The following CCDC7 variants were observed in gnomAD, a reference collection of about 807,000 sequenced individuals.
The protein encoded by CCDC7 is coiled-coil domain-containing protein 7.
In CCDC7, 183 loss-of-function variants were observed where a neutral mutation model predicts 196.9. That is an observed-to-expected ratio of 0.93 (90% CI 0.82 to 1.05). The LOEUF is 1.05. Among genes scored for constraint, CCDC7 ranks in the 50% least tolerant of loss-of-function variants. The probability of loss-of-function intolerance (pLI) is 0.00; values close to 1 mark genes in which losing one functional copy is unlikely to be tolerated. For synonymous variants in CCDC7, 525 were observed against 484.6 expected (o/e 1.08, Z -1.10); for missense variants, 1,540 against 1,482.2 (o/e 1.04, Z -0.64).
chr10:32,697,238 C>T (rs1482145630), intron 24 of CCDC7, among the ~76,000 whole-genome samples: 2 of 152,144 alleles, frequency 1.3e-5, no homozygotes, highest in Non-Finnish European at 2.9e-5. Flanking sequence ...GGAACAGCTC[C>T]AGGCTACAGC....
intron 28 of CCDC7, among the ~76,000 whole-genome samples, chr10:32,755,325 G>C (rs2076251947): frequency 6.6e-6 from 1 of 152,190 alleles, no homozygotes; most frequent in Admixed American, 6.5e-5. Flanking sequence ...ATCCTCAAGT[G>C]GGTCCCTGAT....
intron 5 of CCDC7, among the ~76,000 whole-genome samples, chr10:32,468,102 A>G (rs191375319): frequency 1.1e-4 from 16 of 152,030 alleles, no homozygotes; most frequent in Admixed American, 9.2e-4. Context: ...CTTAAAATAG[A>G]TTTTTTCTAG....
At chr10:32,446,083 T>G (rs563120953), upstream of CCDC7, 9 of 152,306 alleles carry the variant, frequency 5.9e-5, no homozygotes, top group South Asian at 1.4e-3. Context: ...GCTCGCAGCG[T>G]CAGCGACGCC....
At chr10:32,540,017 T>C (rs569038403) in intron 11 of CCDC7, among the ~76,000 whole-genome samples, 1 of 152,266 alleles carries the variant, frequency 6.6e-6, no homozygotes, top group East Asian at 1.9e-4. Flanking sequence ...GTAGTGTCTA[T>C]TTGTCCACTA....
rs990626866 is a variant in CCDC7, at chr10:32,538,523, G to C, written c.994-4777G>C. ...TTGCCAGGACTTCTAATATTGTGTT[G>C]GATAGAAATGGTGAGAGAGGGCATC... On this transcript the variant is annotated intron_variant, in intron 11 of 41. Transcript: ENST00000639629. Among the ~76,000 whole-genome samples the C allele has an allele frequency of 1.4e-4, 22 of 152,106 alleles. 2 individuals carry two copies. The highest frequency in any genetic ancestry group is 4.4e-5 in the Non-Finnish European group (3 of 68,026).
At position 32,805,050 on chromosome 10, in the gene CCDC7, A is replaced by T. The variant is rs1226844236; in HGVS notation, c.3049A>T (p.Arg1017Ter). The T allele has an allele frequency of 1.2e-6, 2 of 1,612,514 alleles. No homozygotes were observed. The highest frequency in any genetic ancestry group is 2.2e-5 in the East Asian group (1 of 44,816). ...AGAAAGCTTGAGAGGTGCTTTGGGA[A>T]GACGCTTATTAAATGATGAATTCAA... Residue 1017 changes from arginine (R) to a stop codon, truncating the protein, a stop_gained, in exon 30 of 42, where the codon AGA (arginine) becomes TGA (stop). Coordinates refer to ENST00000639629, the Ensembl canonical transcript of CCDC7. LOFTEE classifies it high-confidence loss of function.
At chr10:32,817,506 G>A (rs1290652381) in intron 31 of CCDC7, among the ~76,000 whole-genome samples, 2 of 152,062 alleles carry the variant, frequency 1.3e-5, no homozygotes, top group Admixed American at 6.5e-5. Context: ...GATACTCCTC[G>A]AGAAGAGCAA....
intron 18 of CCDC7, among the ~76,000 whole-genome samples, chr10:32,616,175 T>G (rs2062745853): frequency 6.6e-6 from 1 of 152,098 alleles, no homozygotes; most frequent in African/African-American, 2.4e-5. Context: ...AATTTTAGGA[T>G]TATTTTATCG....
At chr10:32,672,297 T>A (rs916948372) in intron 21 of CCDC7, among the ~76,000 whole-genome samples, 5 of 152,122 alleles carry the variant, frequency 3.3e-5, no homozygotes, top group Non-Finnish European at 5.9e-5. Context: ...ACAGTCCAGC[T>A]CTCTATGATG....
chr10:32,855,716 TA>T (rs1406619770), intron 41 of CCDC7, among the ~76,000 whole-genome samples: 2 of 152,208 alleles, frequency 1.3e-5, no homozygotes, highest in African/African-American at 4.8e-5. Context: ...GCCCAGTTCC[TA>T]ATAGGCCACA....
intron 38 of CCDC7, 126 bp downstream of exon 39, chr10:32,848,042 C>T: frequency 1.9e-6 from 1 of 532,348 alleles, no homozygotes. Context: ...TGAATTTTCT[C>T]ATATAATTAG....
intron 24 of CCDC7, among the ~76,000 whole-genome samples, chr10:32,702,314 A>C (rs1352060747): frequency 6.6e-6 from 1 of 151,980 alleles, no homozygotes; most frequent in Non-Finnish European, 1.5e-5. Context: ...TTCAGTTTCC[A>C]TGTAGTTGAG....
At chr10:32,653,820 T>C (rs1328484987) in intron 20 of CCDC7, among the ~76,000 whole-genome samples, 1 of 152,214 alleles carries the variant, frequency 6.6e-6, no homozygotes, top group Non-Finnish European at 1.5e-5. Flanking sequence ...TTCTATGAGT[T>C]TATTTTTGAA....
chr10:32,706,718 A>G (rs1024928063), intron 24 of CCDC7, among the ~76,000 whole-genome samples: 9 of 152,362 alleles, frequency 5.9e-5, no homozygotes, highest in Middle Eastern at 3.4e-3. Context: ...TAGAAAATCT[A>G]GAAGAAATGG....
intron 18 of CCDC7, among the ~76,000 whole-genome samples, chr10:32,603,439 T>G (rs551225045): frequency 1.3e-5 from 2 of 152,258 alleles, no homozygotes; most frequent in Non-Finnish European, 2.9e-5. Context: ...TTTGATATAC[T>G]GATTTCATTT....
intron 25 of CCDC7, among the ~76,000 whole-genome samples, chr10:32,716,276 G>T (rs543696425): frequency 3.5e-4 from 54 of 152,150 alleles, no homozygotes; most frequent in Non-Finnish European, 6.6e-4. Flanking sequence ...TTTCAACCCA[G>T]AATTTCATAT....
intron 13 of CCDC7, among the ~76,000 whole-genome samples, chr10:32,551,694 A>G (rs778928172): frequency 1.3e-5 from 2 of 151,970 alleles, no homozygotes; most frequent in Non-Finnish European, 2.9e-5. Flanking sequence ...ATTTCCATGT[A>G]TTTGCATGGT....
intron 24 of CCDC7, among the ~76,000 whole-genome samples, chr10:32,702,479 A>G (rs1047764853): frequency 6.6e-6 from 1 of 152,196 alleles, no homozygotes; most frequent in Non-Finnish European, 1.5e-5. Flanking sequence ...TGTGATGCTG[A>G]GAAGAATGTA....
intron 20 of CCDC7, among the ~76,000 whole-genome samples, chr10:32,653,199 T>G (rs1762541): frequency 0.92 from 140,523 of 152,130 alleles, 65,886 homozygotes; most frequent in East Asian, 1. Context: ...AGCTGGTGTT[T>G]AAGGGGTATA....
Sources: gnomAD v4.1 joint callset for allele counts (sites outside exome capture counted in the v4.1 genomes callset) on GRCh38, gnomAD v4.1.1 for gene constraint, MANE v1.5 for transcripts, NCBI Gene and HGNC (gene_info 2026-07-23, HGNC 2026-07-21) for gene names.